Variants in COL6A6 observed in about 807,000 individuals in gnomAD.
COL6A6 encodes collagen type VI alpha 6 chain.
Under a neutral mutation model 208.6 loss-of-function variants are expected in COL6A6, and 183 were observed. The ratio of observed to expected loss-of-function variants is 0.88; its 90% CI spans 0.78 to 0.99. The LOEUF (loss-of-function observed/expected upper bound fraction) is 0.99, where lower values mean the gene tolerates loss of function less well. Among genes scored for constraint, COL6A6 ranks in the 50% least tolerant of loss-of-function variants. The probability of loss-of-function intolerance (pLI) is 0.00; values close to 1 mark genes in which losing one functional copy is unlikely to be tolerated. For synonymous variants in COL6A6, 973 were observed against 1,011.8 expected (o/e 0.96, Z 0.73); for missense variants, 2,816 against 2,815.2 (o/e 1.00, Z -0.01).
At chr3:130,584,220 G>A (rs1366636400) in intron 10 of COL6A6, among the ~76,000 whole-genome samples, 1 of 152,148 alleles carries the variant, frequency 6.6e-6, no homozygotes, top group Non-Finnish European at 1.5e-5. Flanking sequence ...AAGAAAAACA[G>A]TTATAAATAA....
rs546226088 is a variant in COL6A6 at position 130,547,207 on chromosome 3, A to G, written c.-31-13127A>G. 2.0e-5 allele frequency among the ~76,000 whole-genome samples: 3 copies of G among 152,342 alleles called. No homozygotes were observed. The South Asian group carries it at 6.2e-4, about 32-fold the overall frequency. On this transcript the variant is annotated intron_variant, in intron 1 of 36. Transcript: ENST00000358511. The stretch of plus-strand genomic sequence containing the variant: ...CTGCAGGTCCCGAGCCATGCCCCGC[A>G]GGGAGGTGGCTGAGGCCCAGGGAGA...
At chr3:130,528,625 TCACACAC>T (rs1282874758) in intron 1 of COL6A6, among the ~76,000 whole-genome samples, 1 of 152,184 alleles carries the variant, frequency 6.6e-6, no homozygotes, top group Non-Finnish European at 1.5e-5. Context: ...TCATTTTGGC[TCACACAC>T]CATAGTTTTC....
rs2066375489 is a variant in COL6A6, at chr3:130,677,000, TTGTC to T, written c.*1607_*1610del. ...TGTTGGAAATACCATTAAGATGTAT[TTGTC>T]TGTTTTTCTGCATTGGCAAGTAAAG... On this transcript the variant is annotated 3_prime_UTR_variant, in exon 37 of 37. Coordinates refer to ENST00000358511, the MANE Select transcript of COL6A6 (RefSeq NM_001102608.3). The T allele has an allele frequency of 1.3e-5, 2 of 152,348 alleles. No individual in the cohort carries two copies. Among genetic ancestry groups the T allele is most frequent in the Admixed American group, 1.3e-4 (2 of 15,310 alleles). The allele number at this position is 152,348 out of a possible 1,614,324, so 9.4% of individuals were successfully genotyped here.
chr3:130,521,807 C>T (rs1189581367), intron 1 of COL6A6, among the ~76,000 whole-genome samples: 3 of 152,186 alleles, frequency 2.0e-5, no homozygotes, highest in Non-Finnish European at 4.4e-5. Context: ...GTAAATACCC[C>T]ACTTTCTCAC....
chr3:130,588,268 A>T (rs985485371), intron 11 of COL6A6, among the ~76,000 whole-genome samples: 18 of 152,248 alleles, frequency 1.2e-4, no homozygotes, highest in Admixed American at 6.5e-5. Context: ...TTGCACTAGA[A>T]ATTTATTGGG....
intron 2 of COL6A6, 30 bp from the exon 3 acceptor site, chr3:130,563,038 T>C (rs2062929370): frequency 6.7e-7 from 1 of 1,500,194 alleles, no homozygotes; most frequent in Non-Finnish European, 9.0e-7. Flanking sequence ...TTAAAGTTTT[T>C]GGTTCGTTCA....
intron 1 of COL6A6, among the ~76,000 whole-genome samples, chr3:130,554,272 A>C (rs1160848045): frequency 6.6e-6 from 1 of 152,214 alleles, no homozygotes; most frequent in Admixed American, 6.5e-5. Context: ...TAGTGGCAGC[A>C]CAAGATGGAG....
chr3:130,667,838 G>A (rs1295666611), intron 36 of COL6A6, among the ~76,000 whole-genome samples: 1 of 151,704 alleles, frequency 6.6e-6, no homozygotes, highest in Non-Finnish European at 1.5e-5. Flanking sequence ...AAGATTCTAG[G>A]AGCTTGTATC....
At chr3:130,593,326 A>T in intron 17 of COL6A6, 74 bp downstream of exon 17, 4 of 1,140,498 alleles carry the variant, frequency 3.5e-6, no homozygotes, top group Non-Finnish European at 5.3e-6. Context: ...TAGAATACTC[A>T]GTCAGCTATT....
In COL6A6 at chr3:130,676,783, A is replaced by G. The variant is rs960266420; in HGVS notation, c.*1386A>G. Reference sequence around the variant, plus strand: ...CAAGAAGTTCAAGGAGTTAAATGTCACATTCATACTCAGGTAATAGAGAAG... The same window carrying G: ...CAAGAAGTTCAAGGAGTTAAATGTCGCATTCATACTCAGGTAATAGAGAAG... On this transcript the variant is annotated 3_prime_UTR_variant, in exon 37 of 37. Coordinates refer to ENST00000358511, the MANE Select transcript of COL6A6 (RefSeq NM_001102608.3). 2 of 152,260 alleles carry G rather than the reference A, an allele frequency of 1.3e-5. No homozygotes were observed. The highest frequency in any genetic ancestry group is 2.9e-5 in the Non-Finnish European group (2 of 68,038). 9.4% of individuals were successfully genotyped at this position (152,260 alleles called of 1,614,324 possible).
intron 1 of COL6A6, among the ~76,000 whole-genome samples, chr3:130,545,454 T>C (rs2062468883): frequency 3.5e-3 from 1 of 286 alleles, no homozygotes; most frequent in Non-Finnish European, 0.015. Flanking sequence ...TTTCAGGCAT[T>C]TTTTTTTTTT....
intron 5 of COL6A6, 82 bp from the exon 6 acceptor site, chr3:130,567,964 AT>A: frequency 1.0e-6 from 1 of 966,528 alleles, no homozygotes; most frequent in Non-Finnish European, 1.6e-6. Flanking sequence ...ATATAAAATT[AT>A]TTGTGTTTTG....
intron 28 of COL6A6, among the ~76,000 whole-genome samples, chr3:130,639,935 G>A (rs2065264302): frequency 6.6e-6 from 1 of 152,160 alleles, no homozygotes; most frequent in African/African-American, 2.4e-5. Context: ...GAAAAAGAGA[G>A]CTGGAGACTC....
At chr3:130,640,176 G>A (rs181995431) in intron 28 of COL6A6, among the ~76,000 whole-genome samples, 3 of 152,116 alleles carry the variant, frequency 2.0e-5, no homozygotes, top group South Asian at 4.1e-4. Context: ...GGAGGTTCCC[G>A]GTGCTGCCAA....
chr3:130,608,985 G>T, intron 22 of COL6A6, 21 bp downstream of exon 22: 1 of 1,582,724 alleles, frequency 6.3e-7, no homozygotes. Context: ...AGACCAATCA[G>T]GGTGTGAGAA....
intron 36 of COL6A6, among the ~76,000 whole-genome samples, chr3:130,665,535 G>A (rs2066053860): frequency 6.6e-6 from 1 of 152,160 alleles, no homozygotes; most frequent in South Asian, 2.1e-4. Flanking sequence ...CTTTTCAAAA[G>A]GACAAAGGAG....
At chr3:130,565,900 C>G (rs1360242142) in intron 4 of COL6A6, among the ~76,000 whole-genome samples, 2 of 152,166 alleles carry the variant, frequency 1.3e-5, no homozygotes, top group Non-Finnish European at 2.9e-5. Context: ...CTATTTTTCT[C>G]TCTTCTTTTG....
chr3:130,669,303 G>A lies in COL6A6; in HGVS notation c.6596+4207G>A, dbSNP rs1056848986. On this transcript the variant is annotated intron_variant, in intron 36 of 36. Coordinates refer to ENST00000358511, the MANE Select transcript of COL6A6 (RefSeq NM_001102608.3). ...CCAGCTACTCGGGAGGCAGAGGCAGGAGGATTGCTCCAACTCAGGAGGTAG... is the reference window on the plus strand; with the variant it reads ...CCAGCTACTCGGGAGGCAGAGGCAGAAGGATTGCTCCAACTCAGGAGGTAG... Among the ~76,000 whole-genome samples, 4 of 152,254 alleles carry A rather than the reference G, an allele frequency of 2.6e-5. No homozygotes were observed. The East Asian group carries it at 7.7e-4, about 29-fold the overall frequency.
intron 1 of COL6A6, among the ~76,000 whole-genome samples, chr3:130,521,169 A>G (rs1711049320): frequency 6.6e-6 from 1 of 152,180 alleles, no homozygotes. Context: ...TACACTTTAG[A>G]GGGGAAAGAT....
Sources: allele counts gnomAD v4.1 joint callset (sites outside exome capture counted in the v4.1 genomes callset), GRCh38; gene constraint gnomAD v4.1.1; transcripts MANE v1.5; gene names NCBI Gene and HGNC (gene_info 2026-07-23, HGNC 2026-07-21).